Variants in DMD observed in about 807,000 individuals in gnomAD.
DMD encodes the protein mutant dystrophin.
DMD carries 63 observed loss-of-function variants against 330.1 expected under a neutral mutation model. That is an observed-to-expected ratio of 0.19 (90% CI 0.16 to 0.24). The LOEUF (loss-of-function observed/expected upper bound fraction) is 0.24, where lower values mean the gene tolerates loss of function less well. DMD is among the 10% of genes least tolerant of loss of function. The probability of loss-of-function intolerance (pLI) is 1.00; values close to 1 mark genes in which losing one functional copy is unlikely to be tolerated. For synonymous variants in DMD, 1,223 were observed against 959.8 expected (o/e 1.27, Z -5.07); for missense variants, 3,344 against 2,684.1 (o/e 1.25, Z -5.43).
rs377569539 is a variant in DMD, at chrX:32,687,605, A to G, written c.960+10265T>C. 4.2e-4 allele frequency among the ~76,000 whole-genome samples: 47 copies of G among 111,493 alleles called. 1 individual carries two copies. Among genetic ancestry groups the G allele is most frequent in the African/African-American group, 1.4e-3 (42 of 30,741 alleles). On this transcript the variant is annotated intron_variant, in intron 9 of 78. Transcript: ENST00000357033. ...AGGCCACATATACATGTTCCAGCCA[A>G]CTGCCCTGGCTGAAGTTCCAGCAGT...
intron 62 of DMD, among the ~76,000 whole-genome samples, chrX:31,320,016 A>G (rs1009234919): frequency 8.9e-6 from 1 of 112,440 alleles, no homozygotes; most frequent in Non-Finnish European, 1.9e-5. Flanking sequence ...AACAGGTTGA[A>G]CATTGTTGGT....
At chrX:33,128,207 G>A in intron 1 of DMD, 1 of 1,193,694 alleles carries the variant, frequency 8.4e-7, no homozygotes, top group African/African-American at 1.7e-5. Context: ...TCATAGGAAA[G>A]CTTTTTGCTG....
intron 1 of DMD, among the ~76,000 whole-genome samples, chrX:33,167,557 T>G (rs928739218): frequency 8.1e-5 from 9 of 111,358 alleles, no homozygotes; most frequent in Non-Finnish European, 1.5e-4. Context: ...TTTGTCTGTA[T>G]TTTAGAGTCA....
chrX:31,442,932 T>A (rs1331289792), intron 60 of DMD, among the ~76,000 whole-genome samples: 1 of 111,357 alleles, frequency 9.0e-6, no homozygotes, highest in Non-Finnish European at 1.9e-5. Flanking sequence ...CAACAAGAAT[T>A]AAATTATGTG....
At chrX:31,865,847 G>A (rs1417941673) in intron 48 of DMD, among the ~76,000 whole-genome samples, 1 of 111,805 alleles carries the variant, frequency 8.9e-6, no homozygotes, top group Non-Finnish European at 1.9e-5. Context: ...TTTCTGTACA[G>A]ATCACGTTTG....
Position 32,780,410 on chromosome X carries a change from G to A in DMD, c.649+29083C>T, listed in dbSNP as rs374989414. Among the ~76,000 whole-genome samples, 13 of 111,817 alleles carry A rather than the reference G, an allele frequency of 1.2e-4. No individual in the cohort carries two copies. The East Asian group carries it at 2.8e-3, about 24-fold the overall frequency. On this transcript the variant is annotated intron_variant, in intron 7 of 78. Transcript: ENST00000357033. ...ATGCATACAATTATCAATTACCTTG[G>A]GAATAAATTGTTTTACATATTTCTG...
intron 62 of DMD, among the ~76,000 whole-genome samples, chrX:31,262,360 T>C (rs944573877): frequency 2.7e-5 from 3 of 111,934 alleles, no homozygotes; most frequent in African/African-American, 9.8e-5. Context: ...ACACACTACA[T>C]GTTATCACCT....
chrX:32,057,797 G>A (rs965440298), intron 44 of DMD, among the ~76,000 whole-genome samples: 3 of 111,137 alleles, frequency 2.7e-5, no homozygotes, highest in African/African-American at 9.8e-5. Flanking sequence ...TCTTGAGGAA[G>A]AAGAATAAAC....
At chrX:32,387,162 G>A (rs1371558247) in intron 32 of DMD, among the ~76,000 whole-genome samples, 3 of 110,274 alleles carry the variant, frequency 2.7e-5, no homozygotes, top group Non-Finnish European at 5.7e-5. Context: ...ACACACATAC[G>A]GTTTCACAAA....
intron 55 of DMD, among the ~76,000 whole-genome samples, chrX:31,625,678 T>G (rs2078796037): frequency 1.8e-5 from 2 of 111,997 alleles, no homozygotes; most frequent in South Asian, 7.4e-4. Flanking sequence ...GGACACATGG[T>G]GAATCTTCCC....
chrX:31,496,716 T>C lies in DMD; in HGVS notation c.8547+72A>G, dbSNP rs754013865. On this transcript the variant is annotated intron_variant, in intron 57 of 78. Coordinates refer to ENST00000357033, the MANE Select transcript of DMD (RefSeq NM_004006.3). ...CTATTCAACTTAATTTCAAACAAAA[T>C]TAATTTTAAAATAGTCACTGGATTA... 7.3e-5 allele frequency: 83 copies of C among 1,140,477 alleles called. No homozygotes were observed. The South Asian group carries it at 1.3e-3, about 18-fold the overall frequency. The allele number at this position is 1,140,477 out of a possible 1,213,427, so 94.0% of individuals were successfully genotyped here.
At chrX:33,049,924 C>T (rs1026586811) in intron 1 of DMD, among the ~76,000 whole-genome samples, 2 of 111,370 alleles carry the variant, frequency 1.8e-5, no homozygotes, top group Non-Finnish European at 3.8e-5. Context: ...ATAAAGTGTT[C>T]CCACAGTATT....
At chrX:31,926,980 T>C (rs567417003) in intron 47 of DMD, among the ~76,000 whole-genome samples, 1 of 111,606 alleles carries the variant, frequency 9.0e-6, no homozygotes. Context: ...GAGCTTGAGA[T>C]TTAATGAAGA....
chrX:32,395,337 C>G (rs748415301), intron 30 of DMD, among the ~76,000 whole-genome samples: 3 of 109,982 alleles, frequency 2.7e-5, no homozygotes, highest in African/African-American at 9.9e-5. Context: ...TTTTAAGAGG[C>G]AGACTGTAGA....
chrX:31,373,789 G>C lies in DMD; in HGVS notation c.9085-25155C>G, dbSNP rs767761392. Among the ~76,000 whole-genome samples, 412 of 110,109 alleles carry C rather than the reference G, an allele frequency of 3.7e-3. 2 individuals are homozygous for C. Among genetic ancestry groups the C allele is most frequent in the African/African-American group, 0.013 (384 of 30,097 alleles). ...GGACTTCATGTCTACAACACCAAAA[G>C]CAATGGCAACAAAAGCCAAAATTGA... On this transcript the variant is annotated intron_variant, in intron 60 of 78. Transcript: ENST00000357033.
chrX:31,356,425 T>A lies in DMD; in HGVS notation c.9085-7791A>T, dbSNP rs775196074. On this transcript the variant is annotated intron_variant, in intron 60 of 78. Coordinates refer to ENST00000357033, the MANE Select transcript of DMD (RefSeq NM_004006.3). Reference sequence around the variant, plus strand: ...TGTTCTATACAACCTACCAGAAGAGTACACAGACTCTGCTGAGGCAAACAG... The same window carrying A: ...TGTTCTATACAACCTACCAGAAGAGAACACAGACTCTGCTGAGGCAAACAG... Among the ~76,000 whole-genome samples the A allele has an allele frequency of 1.4e-4, 16 of 110,365 alleles. 1 individual carries two copies. In the South Asian group the frequency reaches 6.3e-3, roughly 43 times the overall value.
intron 12 of DMD, among the ~76,000 whole-genome samples, chrX:32,596,568 G>A (rs1037651422): frequency 9.2e-6 from 1 of 108,693 alleles, no homozygotes; most frequent in African/African-American, 3.4e-5. Flanking sequence ...TTTTGGAGAC[G>A]GATTCTCACT....
chrX:31,803,326 G>A, intron 50 of DMD, among the ~76,000 whole-genome samples: 1 of 112,533 alleles, frequency 8.9e-6, no homozygotes, highest in Non-Finnish European at 1.9e-5. Flanking sequence ...AATGGCGTGT[G>A]ACTCCAGGCA....
chrX:33,167,575 C>G (rs1187587709), intron 1 of DMD, among the ~76,000 whole-genome samples: 1 of 110,626 alleles, frequency 9.0e-6, no homozygotes, highest in Admixed American at 9.7e-5. Context: ...TCAATTTCTA[C>G]TCAGAAGAAC....
Sources: gnomAD v4.1 joint callset for allele counts (sites outside exome capture counted in the v4.1 genomes callset) on GRCh38, gnomAD v4.1.1 for gene constraint, MANE v1.5 for transcripts, NCBI Gene and HGNC (gene_info 2026-07-23, HGNC 2026-07-21) for gene names.